CDHR4: variants seen among roughly 807,000 people sequenced by gnomAD.
CDHR4 encodes cadherin-related family member 4.
In CDHR4, 89 loss-of-function variants were observed where a neutral mutation model predicts 88.4. That is an observed-to-expected ratio of 1.01 (90% CI 0.85 to 1.20). The LOEUF is 1.20. Among genes scored for constraint, CDHR4 ranks in the 50% most tolerant of loss-of-function variants. The pLI is 0.00. For synonymous variants in CDHR4, 368 were observed against 399.2 expected (o/e 0.92, Z 0.93); for missense variants, 914 against 1,007.2 (o/e 0.91, Z 1.25).
Position 49,791,803 on chromosome 3 carries a change from TG to T in CDHR4, c.2196-3del, listed in dbSNP as rs1298624789. On this transcript the variant is annotated splice_region_variant and splice_polypyrimidine_tract_variant and intron_variant, in intron 16 of 18. Transcript: ENST00000412678. The stretch of plus-strand genomic sequence containing the variant: ...ATGGATCCCTCAGTTCCCTGGATGC[TG>T]GGGCAAAGTACGAGCAAGAGTACAG... The T allele has an allele frequency of 6.4e-7, 1 of 1,551,702 alleles. No individual in the cohort carries two copies. Among genetic ancestry groups the T allele is most frequent in the Non-Finnish European group, 8.7e-7 (1 of 1,146,980 alleles).
rs1035033539 is a variant in CDHR4 at position 49,791,435 on chromosome 3, A to G, written c.2311+6T>C. On this transcript the variant is annotated splice_donor_region_variant and intron_variant, in intron 18 of 18. Transcript: ENST00000412678. ...CAGAGAATAGCTTAGGAAGAGGGGG[A>G]CTCACGGGAGTCCTGTGCTCTGCCA... is the stretch of plus-strand genomic sequence containing the variant. 1.9e-6 allele frequency: 3 copies of G among 1,541,652 alleles called. No homozygotes were observed. Among genetic ancestry groups the G allele is most frequent in the African/African-American group, 1.4e-5 (1 of 71,984 alleles).
intron 14 of CDHR4, 95 bp from the exon 15 acceptor site, chr3:49,792,705 A>G: frequency 6.0e-6 from 9 of 1,504,744 alleles, no homozygotes; most frequent in Non-Finnish European, 8.0e-6. Context: ...CCCCACACCC[A>G]TGATTTGCTC....
intron 17 of CDHR4, 81 bp downstream of exon 17, chr3:49,791,633 G>T: frequency 6.7e-7 from 1 of 1,501,866 alleles, no homozygotes; most frequent in Non-Finnish European, 9.0e-7. Flanking sequence ...AAAGGGGCAT[G>T]GGAAAAAAGG....
chr3:49,801,806 G>A (rs1354598093), upstream of CDHR4, among the ~76,000 whole-genome samples: 2 of 152,210 alleles, frequency 1.3e-5, no homozygotes, highest in African/African-American at 4.8e-5. Context: ...CCAGGCCTAG[G>A]CCCTCCCCTT....
chr3:49,791,492 A>AT lies in CDHR4; in HGVS notation c.2284-25dup, dbSNP rs1310282548. 9 of 1,538,162 alleles carry AT rather than the reference A, an allele frequency of 5.9e-6. No individual in the cohort carries two copies. The Middle Eastern group carries it at 1.0e-3, about 173-fold the overall frequency. ...TGCTGCTGAGGGAAAAAAAAAAAAG[A>AT]TGCAATGAATTGAACCCTGCCCACA... On this transcript the variant is annotated intron_variant, in intron 17 of 18. Transcript: ENST00000412678.
intron 10 of CDHR4, among the ~76,000 whole-genome samples, 195 bp downstream of exon 10, chr3:49,794,413 G>A (rs1027662762): frequency 6.6e-6 from 1 of 151,760 alleles, no homozygotes; most frequent in African/African-American, 2.4e-5. Context: ...AAAAAAAAGA[G>A]AGTGAGAGGG....
At chr3:49,794,286 T>C (rs2108280488) in intron 10 of CDHR4, among the ~76,000 whole-genome samples, 1 of 152,130 alleles carries the variant, frequency 6.6e-6, no homozygotes, top group East Asian at 1.9e-4. Flanking sequence ...TAGTCCCAGC[T>C]ACTCTGGAGG....
rs2081310273 is a variant in CDHR4 at position 49,798,645 on chromosome 3, G to A, written c.495+181C>T. ...AGATGTCCCTGTGGGAACAGCCATG[G>A]TCACTGGGGAGTGAGCAGCCCTCAG... On this transcript the variant is annotated intron_variant, in intron 4 of 18. Transcript: ENST00000412678. 3 of 603,544 alleles carry A rather than the reference G, an allele frequency of 5.0e-6. No individual in the cohort carries two copies. The South Asian group carries it at 6.2e-5, about 12-fold the overall frequency. 37.4% of individuals were successfully genotyped at this position (603,544 alleles called of 1,614,324 possible).
intron 5 of CDHR4, 56 bp downstream of exon 5, chr3:49,796,866 A>G: frequency 2.1e-6 from 3 of 1,400,338 alleles, no homozygotes; most frequent in Non-Finnish European, 3.0e-6. Flanking sequence ...CAAATTTCTA[A>G]AAGGTAGGCA....
intron 4 of CDHR4, among the ~76,000 whole-genome samples, chr3:49,797,910 T>C (rs960050108): frequency 1.3e-4 from 13 of 97,724 alleles, no homozygotes; most frequent in African/African-American, 4.1e-4. Flanking sequence ...TTTAAATACT[T>C]TTTTTTTTTT....
upstream of CDHR4, among the ~76,000 whole-genome samples, chr3:49,802,532 C>T (rs1003580213): frequency 2.0e-5 from 3 of 152,164 alleles, no homozygotes; most frequent in African/African-American, 7.2e-5. Flanking sequence ...CTGACTTTCC[C>T]CAAGCTAGCC....
upstream of CDHR4, among the ~76,000 whole-genome samples, chr3:49,801,072 TTG>T (rs879168050): frequency 2.7e-5 from 4 of 149,474 alleles, no homozygotes; most frequent in Admixed American, 1.3e-4. Context: ...ACAAAAACGG[TTG>T]TCTTTATTTG....
chr3:49,799,902 A>G, upstream of CDHR4: 1 of 1,413,628 alleles, frequency 7.1e-7, no homozygotes, highest in Non-Finnish European at 9.9e-7. Flanking sequence ...TTGCTCAAAC[A>G]TAGCTGGGCA....
At chr3:49,798,969 C>G (rs1449763810) in intron 3 of CDHR4, 25 bp downstream of exon 3, 29 of 1,610,962 alleles carry the variant, frequency 1.8e-5, no homozygotes, top group Non-Finnish European at 2.2e-5. Flanking sequence ...CCTGCCCCCA[C>G]CCTGCCGGCT....
At chr3:49,799,984 G>C (rs899375818), upstream of CDHR4, 19 of 613,084 alleles carry the variant, frequency 3.1e-5, no homozygotes, top group Admixed American at 2.6e-4. Context: ...CCTCTGGCAG[G>C]CTTCCAGAGG....
At chr3:49,802,630 T>C (rs1575360021), upstream of CDHR4, among the ~76,000 whole-genome samples, 4 of 152,344 alleles carry the variant, frequency 2.6e-5, no homozygotes, top group South Asian at 2.1e-4. Flanking sequence ...CCTGTGTTGA[T>C]AGAGCAGCCT....
In CDHR4 at chr3:49,793,060, G is replaced by C; in HGVS notation, c.1789C>G (p.Arg597Gly). 2 of 1,551,340 alleles carry C rather than the reference G, an allele frequency of 1.3e-6. No homozygotes were observed. Among genetic ancestry groups the C allele is most frequent in the Non-Finnish European group, 1.7e-6 (2 of 1,146,974 alleles). Reference protein sequence around the residue: ...YSIVGGNSQNRFILQGAILVH... With the variant: ...YSIVGGNSQNGFILQGAILVH... ...AGGATGGCCCCTTGCAGGATGAATCGGTTCTGGCTATTCCCTGAAAGCAGA... is the reference window on the plus strand; with the variant it reads ...AGGATGGCCCCTTGCAGGATGAATCCGTTCTGGCTATTCCCTGAAAGCAGA... The change falls in exon 14 of 19, where the codon CGA becomes GGA. Residue 597 changes from arginine (R) to glycine (G), a missense_variant. Arg to Gly is a moderately radical substitution (Grantham distance 125, BLOSUM62 -2). Transcript: ENST00000412678.
rs141327397 is a variant in CDHR4 at position 49,793,362 on chromosome 3, C to T, written c.1624-51G>A. On this transcript the variant is annotated intron_variant, in intron 12 of 18. Transcript: ENST00000412678. ...TGGGTGGAACCCACCCCCTAAACCT[C>T]TGAGCCAGCCCCTCAACTTCTTCTC... is the stretch of plus-strand genomic sequence containing the variant. 2.7e-4 allele frequency: 420 copies of T among 1,530,054 alleles called. No homozygotes were observed. The African/African-American group carries it at 4.6e-3, about 17-fold the overall frequency. 94.8% of individuals were successfully genotyped at this position (1,530,054 alleles called of 1,614,324 possible).
intron 2 of CDHR4, 29 bp from the exon 3 acceptor site, chr3:49,799,185 GC>G: frequency 6.3e-7 from 1 of 1,597,330 alleles, no homozygotes; most frequent in South Asian, 1.1e-5. Context: ...GCCATGTGGG[GC>G]TTGGAAATTT....
Sources: allele counts gnomAD v4.1 joint callset (sites outside exome capture counted in the v4.1 genomes callset), GRCh38; gene constraint gnomAD v4.1.1; transcripts MANE v1.5; gene names NCBI Gene and HGNC (gene_info 2026-07-23, HGNC 2026-07-21).